The following POC1A variants were observed in gnomAD, a reference collection of about 807,000 sequenced individuals.
POC1A encodes POC1 centriolar protein homolog A.
In POC1A, 34 loss-of-function variants were observed where a neutral mutation model predicts 47.8. The observed-to-expected ratio is 0.71, with a 90% CI of 0.54 to 0.95. The LOEUF (loss-of-function observed/expected upper bound fraction) is 0.95. Ranked by LOEUF, POC1A falls within the 40% of genes least tolerant of loss-of-function variation. The probability of loss-of-function intolerance (pLI) is 0.00; values close to 1 mark genes in which losing one functional copy is unlikely to be tolerated. For missense variants in POC1A, 466 were observed against 528.3 expected (o/e 0.88, Z 1.16); for synonymous variants, 177 against 207.6 (o/e 0.85, Z 1.27).
intron 10 of POC1A, among the ~76,000 whole-genome samples, chr3:52,076,962 A>T (rs1443067793): frequency 6.6e-6 from 1 of 152,262 alleles, no homozygotes; most frequent in Non-Finnish European, 1.5e-5. Context: ...CTTTGGATAG[A>T]GTGTCAGCAG....
At chr3:52,103,061 G>C (rs536694984) in intron 9 of POC1A, among the ~76,000 whole-genome samples, 1 of 152,160 alleles carries the variant, frequency 6.6e-6, no homozygotes, top group Non-Finnish European at 1.5e-5. Flanking sequence ...ACCAGTATCC[G>C]GCCAGTTAAT....
chr3:52,149,068 C>T, intron 4 of POC1A, 142 bp downstream of exon 4: 1 of 643,772 alleles, frequency 1.6e-6, no homozygotes. Flanking sequence ...TTCCATTTTA[C>T]AGATAAGGAA....
At chr3:52,098,826 CACTT>C (rs1702903139) in intron 9 of POC1A, among the ~76,000 whole-genome samples, 1 of 152,214 alleles carries the variant, frequency 6.6e-6, no homozygotes, top group Admixed American at 6.5e-5. Flanking sequence ...AATGTCACCT[CACTT>C]AATACGTGTA....
At chr3:52,092,668 C>T (rs538853669) in intron 10 of POC1A, among the ~76,000 whole-genome samples, 131 of 152,294 alleles carry the variant, frequency 8.6e-4, no homozygotes, top group African/African-American at 2.9e-3. Context: ...AAAACAACTA[C>T]GTGGGGAGGC....
At chr3:52,127,666 T>C (rs1446712282) in intron 7 of POC1A, among the ~76,000 whole-genome samples, 2 of 151,896 alleles carry the variant, frequency 1.3e-5, no homozygotes, top group Admixed American at 1.3e-4. Flanking sequence ...GTGCTGGGAT[T>C]ATAGATGTGG....
chr3:52,127,518 G>C (rs1704051198), intron 7 of POC1A, among the ~76,000 whole-genome samples: 2 of 151,682 alleles, frequency 1.3e-5, no homozygotes, highest in South Asian at 2.1e-4. Context: ...AGCCTCCCGA[G>C]TAGCTGGGAT....
chr3:52,114,501 C>T (rs577251889), intron 9 of POC1A, among the ~76,000 whole-genome samples: 3 of 152,172 alleles, frequency 2.0e-5, no homozygotes, highest in East Asian at 1.9e-4. Flanking sequence ...GGGGAAGGCA[C>T]GGTTATCTGT....
At chr3:52,083,928 T>C (rs753759015) in intron 10 of POC1A, among the ~76,000 whole-genome samples, 9 of 152,182 alleles carry the variant, frequency 5.9e-5, no homozygotes, top group Admixed American at 3.9e-4. Context: ...GAGGCCAGGG[T>C]GCTTGGCCTC....
At chr3:52,119,071 G>C (rs1703673964) in intron 9 of POC1A, among the ~76,000 whole-genome samples, 1 of 150,048 alleles carries the variant, frequency 6.7e-6, no homozygotes, top group Non-Finnish European at 1.5e-5. Flanking sequence ...CCTACAAAAT[G>C]ACTTCTGTTA....
chr3:52,143,353 G>A (rs1483706194), intron 6 of POC1A, among the ~76,000 whole-genome samples: 1 of 151,908 alleles, frequency 6.6e-6, no homozygotes, highest in African/African-American at 2.4e-5. Flanking sequence ...CTCCCTCCAG[G>A]TCCCCAGCTC....
At chr3:52,081,244 C>T (rs1702270437) in intron 10 of POC1A, among the ~76,000 whole-genome samples, 1 of 152,212 alleles carries the variant, frequency 6.6e-6, no homozygotes, top group South Asian at 2.1e-4. Context: ...TCCGTATGGT[C>T]TCTGGCTGCC....
chr3:52,134,807 A>C (rs1364396926), intron 7 of POC1A, among the ~76,000 whole-genome samples: 2 of 151,944 alleles, frequency 1.3e-5, no homozygotes, highest in African/African-American at 4.8e-5. Context: ...ACTCAAAAAA[A>C]AAAAAAAAAA....
rs6797786 is a variant in POC1A at position 52,138,331 on chromosome 3, G to C, written c.680-29C>G. 5,301 of 1,596,134 alleles carry C rather than the reference G, an allele frequency of 3.3e-3. 100 individuals are homozygous for C. The African/African-American group carries it at 0.042, about 13-fold the overall frequency. ...GGGGAAGGACATCAGTCAGGTGCTGGCTAGGAGGCACAGGGAGCACAGCTG... is the reference window on the plus strand; with the variant it reads ...GGGGAAGGACATCAGTCAGGTGCTGCCTAGGAGGCACAGGGAGCACAGCTG... On this transcript the variant is annotated intron_variant, in intron 6 of 10. Coordinates refer to ENST00000296484, the MANE Select transcript of POC1A (RefSeq NM_015426.5).
intron 9 of POC1A, among the ~76,000 whole-genome samples, chr3:52,112,696 T>C (rs1322542521): frequency 6.6e-6 from 1 of 152,120 alleles, no homozygotes; most frequent in Non-Finnish European, 1.5e-5. Context: ...ACCAAGGTCA[T>C]ACCCTTTTCC....
chr3:52,116,843 G>T (rs1703582841), intron 9 of POC1A, among the ~76,000 whole-genome samples: 1 of 152,006 alleles, frequency 6.6e-6, no homozygotes, highest in African/African-American at 2.4e-5. Context: ...TTGAGCCCAG[G>T]AATTTGAGAC....
chr3:52,078,667 C>T (rs542499124), intron 10 of POC1A, among the ~76,000 whole-genome samples: 2 of 152,042 alleles, frequency 1.3e-5, no homozygotes, highest in African/African-American at 4.8e-5. Context: ...CCCGCCACTG[C>T]GCCCAGCTAA....
At chr3:52,132,614 C>T (rs993950260) in intron 7 of POC1A, among the ~76,000 whole-genome samples, 2 of 152,078 alleles carry the variant, frequency 1.3e-5, no homozygotes, top group Admixed American at 1.3e-4. Context: ...GGCAGAGGGC[C>T]CTTTATCACC....
intron 9 of POC1A, among the ~76,000 whole-genome samples, chr3:52,102,769 A>G (rs1703043564): frequency 6.6e-6 from 1 of 152,358 alleles, no homozygotes; most frequent in Middle Eastern, 3.4e-3. Context: ...ACCTATACCA[A>G]TGAAGAGATA....
At chr3:52,081,423 G>A (rs1702277283) in intron 10 of POC1A, among the ~76,000 whole-genome samples, 2 of 152,206 alleles carry the variant, frequency 1.3e-5, no homozygotes. Context: ...ACGCAGACTC[G>A]GCTGAGCCCA....
Sources: gnomAD v4.1 joint callset for allele counts (sites outside exome capture counted in the v4.1 genomes callset) on GRCh38, gnomAD v4.1.1 for gene constraint, MANE v1.5 for transcripts, NCBI Gene and HGNC (gene_info 2026-07-23, HGNC 2026-07-21) for gene names.